Variants in CYSLTR1 observed in about 807,000 individuals in gnomAD.
The protein encoded by CYSLTR1 is G-protein coupled receptor HG55.
A neutral mutation model predicts 2.1 loss-of-function variants in CYSLTR1; 1 was observed. That is an observed-to-expected ratio of 0.48 (90% CI 0.17 to 2.28). CYSLTR1 has a LOEUF of 2.28. Among genes scored for constraint, CYSLTR1 ranks in the 30% most tolerant of loss-of-function variants. The pLI, the probability that CYSLTR1 is intolerant of heterozygous loss-of-function variation, is 0.26. For synonymous variants in CYSLTR1, 110 were observed against 89.6 expected (o/e 1.23, Z -1.28); for missense variants, 299 against 250.1 (o/e 1.20, Z -1.32).
At chrX:78,318,873 C>T (rs957869385) in intron 1 of CYSLTR1, 12 of 109,050 alleles carry the variant, frequency 1.1e-4, no homozygotes, top group Non-Finnish European at 1.5e-4. Context: ...GCCTCCTGAC[C>T]CTTTGTTTCT....
At chrX:78,310,393 C>T (rs1923173168) in intron 1 of CYSLTR1, among the ~76,000 whole-genome samples, 1 of 112,013 alleles carries the variant, frequency 8.9e-6, no homozygotes. Context: ...ATATGTAATT[C>T]TAACCATCGT....
In CYSLTR1 at chrX:78,324,940, T is replaced by TA. The variant is rs1375963243; in HGVS notation, c.-115+2364dup. Among the ~76,000 whole-genome samples the TA allele has an allele frequency of 5.4e-5, 6 of 111,337 alleles. No individual in the cohort carries two copies. In the Admixed American group the frequency reaches 5.7e-4, roughly 11 times the overall value. ...CACAACTAGACATACTTATATATTT[T>TA]AAAAACGTGATTTGTATTATAACCA... On this transcript the variant is annotated intron_variant, in intron 1 of 2. Transcript: ENST00000373304.
chrX:78,294,682 C>A (rs7054714), intron 1 of CYSLTR1, among the ~76,000 whole-genome samples: 7,863 of 112,397 alleles, frequency 0.07, 695 homozygotes, highest in African/African-American at 0.24. Context: ...CATGCCTCAG[C>A]AATGGTGGAT....
chrX:78,305,685 TA>T (rs2147268085), intron 1 of CYSLTR1, among the ~76,000 whole-genome samples: 1 of 112,621 alleles, frequency 8.9e-6, no homozygotes, highest in East Asian at 2.8e-4. Flanking sequence ...TCTGATTCTA[TA>T]AATTTGACTA....
At chrX:78,303,146 C>T (rs1460805296) in intron 1 of CYSLTR1, among the ~76,000 whole-genome samples, 1 of 111,640 alleles carries the variant, frequency 9.0e-6, no homozygotes, top group African/African-American at 3.3e-5. Context: ...TTTAAATGCC[C>T]CCTCCATGGG....
intron 2 of CYSLTR1, among the ~76,000 whole-genome samples, chrX:78,278,734 G>A (rs1215798342): frequency 8.9e-6 from 1 of 112,203 alleles, no homozygotes; most frequent in African/African-American, 3.2e-5. Context: ...TAACCAAACA[G>A]CATAATACAG....
At chrX:78,312,056 C>T (rs1365564366) in intron 1 of CYSLTR1, among the ~76,000 whole-genome samples, 1 of 111,654 alleles carries the variant, frequency 9.0e-6, no homozygotes, top group African/African-American at 3.2e-5. Context: ...AAGCTTGAGT[C>T]ATCACATTAC....
At chrX:78,305,068 C>A (rs966047609) in intron 1 of CYSLTR1, among the ~76,000 whole-genome samples, 4 of 111,353 alleles carry the variant, frequency 3.6e-5, no homozygotes, top group African/African-American at 1.3e-4. Flanking sequence ...ATCCAATGAT[C>A]CATTTGTTCA....
intron 1 of CYSLTR1, among the ~76,000 whole-genome samples, chrX:78,316,897 T>G (rs1834669913): frequency 9.0e-6 from 1 of 111,543 alleles, no homozygotes; most frequent in Non-Finnish European, 1.9e-5. Context: ...AAAATAACAT[T>G]GGAAAAATTC....
chrX:78,286,055 T>C lies in CYSLTR1; in HGVS notation c.-114-2515A>G, dbSNP rs780319102. 4.5e-5 allele frequency among the ~76,000 whole-genome samples: 5 copies of C among 112,240 alleles called. No homozygotes were observed. The East Asian group carries it at 1.1e-3, about 25-fold the overall frequency. ...AATATTTAAGAAGCCCCTATTCTTA[T>C]AAGGAAGAGGATACTTTTTCTGCAT... On this transcript the variant is annotated intron_variant, in intron 1 of 2. Coordinates refer to ENST00000373304, the MANE Select transcript of CYSLTR1 (RefSeq NM_006639.4).
intron 1 of CYSLTR1, among the ~76,000 whole-genome samples, chrX:78,314,356 G>C: frequency 9.0e-6 from 1 of 111,519 alleles, no homozygotes; most frequent in East Asian, 2.8e-4. Flanking sequence ...TGTATCAGAG[G>C]ATGGAGCAAG....
chrX:78,306,177 T>G (rs73226150), intron 1 of CYSLTR1, among the ~76,000 whole-genome samples: 297 of 111,591 alleles, frequency 2.7e-3, no homozygotes, highest in Non-Finnish European at 3.7e-3. Flanking sequence ...TTTTTCTTTT[T>G]TTTTGAGAGG....
chrX:78,292,238 T>C (rs1335910158), intron 1 of CYSLTR1, among the ~76,000 whole-genome samples: 3 of 112,173 alleles, frequency 2.7e-5, no homozygotes, highest in Non-Finnish European at 3.8e-5. Context: ...CCAGTAGTCA[T>C]TTAGGAGCAG....
At chrX:78,315,489 G>A (rs1383651270) in intron 1 of CYSLTR1, among the ~76,000 whole-genome samples, 1 of 111,375 alleles carries the variant, frequency 9.0e-6, no homozygotes, top group Non-Finnish European at 1.9e-5. Flanking sequence ...CTCTCATATG[G>A]CATTTCTGTA....
At chrX:78,309,834 G>A (rs1401489123) in intron 1 of CYSLTR1, among the ~76,000 whole-genome samples, 1 of 111,649 alleles carries the variant, frequency 9.0e-6, no homozygotes, top group Non-Finnish European at 1.9e-5. Flanking sequence ...GACAGAATTA[G>A]TGGCAGAGTA....
intron 1 of CYSLTR1, among the ~76,000 whole-genome samples, chrX:78,313,755 C>T (rs1223324403): frequency 4.5e-5 from 5 of 111,532 alleles, no homozygotes; most frequent in Non-Finnish European, 9.4e-5. Context: ...TGTGAATGGA[C>T]ATTGTTTCAG....
intron 1 of CYSLTR1, among the ~76,000 whole-genome samples, chrX:78,315,712 G>A (rs760700548): frequency 8.9e-6 from 1 of 111,965 alleles, no homozygotes; most frequent in Non-Finnish European, 1.9e-5. Flanking sequence ...ACTGCATTTT[G>A]TAATTTGAGT....
intron 1 of CYSLTR1, among the ~76,000 whole-genome samples, chrX:78,295,002 G>T (rs1409017569): frequency 8.9e-6 from 1 of 111,998 alleles, no homozygotes; most frequent in Non-Finnish European, 1.9e-5. Context: ...TGTCCAACAA[G>T]TCCCAATGAG....
At chrX:78,319,514 T>C (rs1311970209) in intron 1 of CYSLTR1, 1 of 110,454 alleles carries the variant, frequency 9.1e-6, no homozygotes, top group Non-Finnish European at 1.9e-5. Flanking sequence ...CAGTCTATCA[T>C]TGTTGGACAT....
Sources: gnomAD v4.1 joint callset for allele counts (sites outside exome capture counted in the v4.1 genomes callset) on GRCh38, gnomAD v4.1.1 for gene constraint, MANE v1.5 for transcripts, NCBI Gene and HGNC (gene_info 2026-07-23, HGNC 2026-07-21) for gene names.